Variants in TREML2 observed in about 807,000 individuals in gnomAD.
The protein encoded by TREML2 is triggering receptor expressed on myeloid cells like 2.
In TREML2, 24 loss-of-function variants were observed where a neutral mutation model predicts 25.9. That is an observed-to-expected ratio of 0.93 (90% CI 0.67 to 1.30). TREML2 has a LOEUF of 1.30. Among genes scored for constraint, TREML2 ranks in the 50% most tolerant of loss-of-function variants. The pLI, the probability that TREML2 is intolerant of heterozygous loss-of-function variation, is 0.00. For missense variants in TREML2, 359 were observed against 395.6 expected, an observed-to-expected ratio of 0.91 and a Z score of 0.78; for synonymous variants, 139 against 155.2, an observed-to-expected ratio of 0.90 and a Z score of 0.77.
intron 1 of TREML2, among the ~76,000 whole-genome samples, chr6:41,198,998 G>A (rs1245145322): frequency 3.3e-5 from 5 of 152,214 alleles, no homozygotes; most frequent in African/African-American, 1.2e-4. Context: ...GAGTAGCTGG[G>A]ACTACAGGTG....
At chr6:41,197,557 C>T (rs191194231) in intron 2 of TREML2, among the ~76,000 whole-genome samples, 1 of 152,320 alleles carries the variant, frequency 6.6e-6, no homozygotes, top group East Asian at 1.9e-4. Context: ...GAGGTGTTCT[C>T]TGACCCCCAG....
chr6:41,193,180 C>T (rs1766098302), intron 3 of TREML2, among the ~76,000 whole-genome samples: 1 of 152,128 alleles, frequency 6.6e-6, no homozygotes, highest in African/African-American at 2.4e-5. Context: ...TAGGAGACTC[C>T]CATTTGTGGC....
At chr6:41,195,600 G>A (rs1005591376) in intron 2 of TREML2, among the ~76,000 whole-genome samples, 1 of 152,176 alleles carries the variant, frequency 6.6e-6, no homozygotes, top group African/African-American at 2.4e-5. Flanking sequence ...TCTGGAGAAG[G>A]GGACCCAGAA....
intron 2 of TREML2, among the ~76,000 whole-genome samples, chr6:41,196,994 C>T (rs1305636482): frequency 6.6e-6 from 1 of 152,234 alleles, no homozygotes; most frequent in Non-Finnish European, 1.5e-5. Flanking sequence ...CCATCATCCA[C>T]CTGCTGATCA....
chr6:41,193,013 G>A (rs1766095812), intron 3 of TREML2, 112 bp from the exon 4 acceptor site: 2 of 799,524 alleles, frequency 2.5e-6, no homozygotes, highest in Non-Finnish European at 3.9e-6. Context: ...TCCCGGGGTA[G>A]ACGGCCACCC....
Position 41,190,472 on chromosome 6 carries a change from G to A in TREML2, c.*1955C>T, listed in dbSNP as rs556891079. 2 of 152,286 alleles carry A rather than the reference G, an allele frequency of 1.3e-5. No individual in the cohort carries two copies. Among genetic ancestry groups the A allele is most frequent in the South Asian group, 4.1e-4 (2 of 4,830 alleles). 9.4% of individuals were successfully genotyped at this position (152,286 alleles called of 1,614,324 possible). Reference sequence around the variant, plus strand: ...CTGGAAAACAACTTAAGGAATAATGGTAATGAGGCATTTGCATCATTGTAC... The same window carrying A: ...CTGGAAAACAACTTAAGGAATAATGATAATGAGGCATTTGCATCATTGTAC... On this transcript the variant is annotated 3_prime_UTR_variant, in exon 5 of 5. Coordinates refer to ENST00000483722, the MANE Select transcript of TREML2 (RefSeq NM_024807.4).
At position 41,192,381 on chromosome 6, in the gene TREML2, CT is replaced by C. The variant is rs1389992176; in HGVS notation, c.*45del. 1 of 1,521,390 alleles carries C rather than the reference CT, an allele frequency of 6.6e-7. No individual in the cohort carries two copies. The highest frequency in any genetic ancestry group is 1.1e-5 in the South Asian group (1 of 88,152). 94.2% of individuals were successfully genotyped at this position (1,521,390 alleles called of 1,614,324 possible). ...CAATCTTCACCCCTCCTCTAACCCC[CT>C]GGGGCCACTCTGGGAGAAGCTCCCC... On this transcript the variant is annotated 3_prime_UTR_variant, in exon 5 of 5. Transcript: ENST00000483722.
intron 1 of TREML2, among the ~76,000 whole-genome samples, chr6:41,200,256 G>A (rs1766251384): frequency 6.6e-6 from 1 of 152,240 alleles, no homozygotes; most frequent in Non-Finnish European, 1.5e-5. Context: ...ACCCCTTTCT[G>A]CCCTGGCAGT....
At chr6:41,199,113 C>T (rs1220213738) in intron 1 of TREML2, among the ~76,000 whole-genome samples, 5 of 152,182 alleles carry the variant, frequency 3.3e-5, no homozygotes, top group Non-Finnish European at 7.3e-5. Flanking sequence ...CCACCTGCCT[C>T]GGCCTCCCAA....
intron 1 of TREML2, 126 bp from the exon 2 acceptor site, chr6:41,198,555 G>A (rs1178776377): frequency 1.8e-6 from 2 of 1,086,564 alleles, no homozygotes; most frequent in East Asian, 4.9e-5. Flanking sequence ...CACAGATTGA[G>A]GGGGAAATAC....
chr6:41,197,492 A>T (rs1561890211), intron 2 of TREML2, among the ~76,000 whole-genome samples: 1 of 152,144 alleles, frequency 6.6e-6, no homozygotes, highest in Non-Finnish European at 1.5e-5. Flanking sequence ...CCAGATTTCA[A>T]CAGGGCTGGA....
At chr6:41,199,050 G>C (rs1381022981) in intron 1 of TREML2, among the ~76,000 whole-genome samples, 1 of 152,138 alleles carries the variant, frequency 6.6e-6, no homozygotes, top group Non-Finnish European at 1.5e-5. Flanking sequence ...TTTTAGTAGA[G>C]ACGGGATTTC....
chr6:41,193,857 C>T (rs1766109370), intron 3 of TREML2, among the ~76,000 whole-genome samples: 1 of 135,416 alleles, frequency 7.4e-6, no homozygotes, highest in Non-Finnish European at 1.6e-5. Context: ...CCTGATACTC[C>T]TCCCACTGAC....
rs777481656 is a variant in TREML2 at position 41,192,531 on chromosome 6, G to C, written c.887-25C>G. The C allele has an allele frequency of 5.0e-6, 8 of 1,609,046 alleles. No homozygotes were observed. In the South Asian group the frequency reaches 8.8e-5, roughly 18 times the overall value. On this transcript the variant is annotated intron_variant, in intron 4 of 4. Transcript: ENST00000483722. ...CCTGCAAGAAACAGGGAGAGCTGAGGAAGTGTCCTGCCCTGCCCACGGTGC... is the reference window on the plus strand; with the variant it reads ...CCTGCAAGAAACAGGGAGAGCTGAGCAAGTGTCCTGCCCTGCCCACGGTGC...
Position 41,192,184 on chromosome 6 carries a change from C to T in TREML2, c.*243G>A, listed in dbSNP as rs532838338. On this transcript the variant is annotated 3_prime_UTR_variant, in exon 5 of 5. Transcript: ENST00000483722. Reference sequence around the variant, plus strand: ...GAGCAGAAACCACTGGTCACATTTCCTCGGGACTTTCTCCCTGATGCCCTT... The same window carrying T: ...GAGCAGAAACCACTGGTCACATTTCTTCGGGACTTTCTCCCTGATGCCCTT... 1.3e-4 allele frequency: 70 copies of T among 526,758 alleles called. No homozygotes were observed. Among genetic ancestry groups the T allele is most frequent in the African/African-American group, 1.1e-3 (59 of 52,588 alleles). 32.6% of individuals were successfully genotyped at this position (526,758 alleles called of 1,614,324 possible). A position where few individuals can be genotyped will look rare whatever the true frequency, so the allele number is the denominator to read the frequency against.
chr6:41,197,845 G>A (rs1177473726), intron 2 of TREML2, among the ~76,000 whole-genome samples: 1 of 152,170 alleles, frequency 6.6e-6, no homozygotes, highest in East Asian at 1.9e-4. Context: ...CACAGACAGT[G>A]CCAAGTTTGA....
Position 41,201,084 on chromosome 6 carries a change from G to A in TREML2, c.-76C>T, listed in dbSNP as rs1766267050. On this transcript the variant is annotated 5_prime_UTR_variant, in exon 1 of 5. Coordinates refer to ENST00000483722, the MANE Select transcript of TREML2 (RefSeq NM_024807.4). ...CACCCGACACAGGATGTGCCACCTGGGCCTGCCAGGGAAGGACCCGGGGTT... is the reference window on the plus strand; with the variant it reads ...CACCCGACACAGGATGTGCCACCTGAGCCTGCCAGGGAAGGACCCGGGGTT... The A allele has an allele frequency of 6.4e-7, 1 of 1,559,614 alleles. No individual in the cohort carries two copies. Among genetic ancestry groups the A allele is most frequent in the Admixed American group, 1.7e-5 (1 of 59,718 alleles).
chr6:41,200,244 A>T (rs1308094264), intron 1 of TREML2, among the ~76,000 whole-genome samples: 2 of 152,230 alleles, frequency 1.3e-5, no homozygotes, highest in Non-Finnish European at 2.9e-5. Context: ...AGCACAAGAG[A>T]GACCCCTTTC....
chr6:41,194,871 G>C (rs551450784), intron 2 of TREML2, 38 bp from the exon 3 acceptor site: 1 of 1,533,970 alleles, frequency 6.5e-7, no homozygotes, highest in East Asian at 2.3e-5. Context: ...GATTGACTTG[G>C]GTGCCTCAGT....
Sources: gnomAD v4.1 joint callset for allele counts (sites outside exome capture counted in the v4.1 genomes callset) on GRCh38, gnomAD v4.1.1 for gene constraint, MANE v1.5 for transcripts, NCBI Gene and HGNC (gene_info 2026-07-23, HGNC 2026-07-21) for gene names.